Variants in TTC1 observed in about 807,000 individuals in gnomAD.
TTC1 encodes the protein tetratricopeptide repeat protein 1.
TTC1 carries 31 observed loss-of-function variants against 37.6 expected under a neutral mutation model. That is an observed-to-expected ratio of 0.82 (90% CI 0.62 to 1.11). TTC1 has a LOEUF of 1.11. TTC1 is among the 50% of genes most tolerant of loss of function. The probability of loss-of-function intolerance (pLI) is 0.00; values close to 1 mark genes in which losing one functional copy is unlikely to be tolerated. For missense variants in TTC1, 351 were observed against 339.0 expected (o/e 1.04, Z -0.28); for synonymous variants, 127 against 122.4 (o/e 1.04, Z -0.25).
chr5:160,014,515 T>TAAA (rs1756566029), intron 2 of TTC1, among the ~76,000 whole-genome samples: 1 of 150,656 alleles, frequency 6.6e-6, no homozygotes, highest in Non-Finnish European at 1.5e-5. Context: ...AAAAAAAAAT[T>TAAA]TTTTTTTAAT....
intron 2 of TTC1, among the ~76,000 whole-genome samples, chr5:160,026,215 C>T (rs1756802664): frequency 6.6e-6 from 1 of 152,244 alleles, no homozygotes; most frequent in South Asian, 2.1e-4. Flanking sequence ...CTAGGGATGT[C>T]GGGGTGAGAG....
At chr5:160,023,793 T>C (rs1037319635) in intron 2 of TTC1, 116 of 1,613,474 alleles carry the variant, frequency 7.2e-5, no homozygotes, top group Non-Finnish European at 9.3e-5. Context: ...GATGTGTGCC[T>C]TGCCCTCTTG....
intron 2 of TTC1, among the ~76,000 whole-genome samples, chr5:160,025,723 G>A (rs1390533238): frequency 3.9e-5 from 6 of 152,218 alleles, no homozygotes; most frequent in Admixed American, 1.3e-4. Context: ...GTATGGTCTT[G>A]TAGTTAAGAG....
chr5:160,034,557 T>C (rs1478852387), intron 2 of TTC1, among the ~76,000 whole-genome samples: 1 of 152,198 alleles, frequency 6.6e-6, no homozygotes, highest in Admixed American at 6.5e-5. Flanking sequence ...AGGGTTCTTA[T>C]AAGGATTAAA....
chr5:160,048,459 C>G lies in TTC1; in HGVS notation c.542-1055C>G, dbSNP rs116351628. Among the ~76,000 whole-genome samples the G allele has an allele frequency of 9.8e-3, 1,489 of 152,134 alleles. 17 individuals are homozygous for G. Among genetic ancestry groups the G allele is most frequent in the Middle Eastern group, 0.02 (6 of 294 alleles). On this transcript the variant is annotated intron_variant, in intron 5 of 7. Coordinates refer to ENST00000231238, the MANE Select transcript of TTC1 (RefSeq NM_003314.3). ...CCTGAGCCACCACACCCGGCCAGCA[C>G]TGCTTTCTAATAGAAAAAGAAACAA...
chr5:160,036,572 A>G, intron 3 of TTC1, 119 bp from the exon 4 acceptor site: 1 of 677,356 alleles, frequency 1.5e-6, no homozygotes, highest in Non-Finnish European at 2.6e-6. Context: ...GACTGTTACC[A>G]TCTTTTAACT....
intron 2 of TTC1, among the ~76,000 whole-genome samples, chr5:160,016,684 A>T (rs925446820): frequency 6.6e-6 from 1 of 152,174 alleles, no homozygotes; most frequent in Admixed American, 6.5e-5. Context: ...TTAAGAATAT[A>T]AATAAATAAA....
chr5:160,032,610 T>C (rs956632916), intron 2 of TTC1, among the ~76,000 whole-genome samples: 4 of 152,060 alleles, frequency 2.6e-5, no homozygotes, highest in African/African-American at 9.7e-5. Flanking sequence ...TAGAGTTGAT[T>C]TGCTGTCATT....
intron 3 of TTC1, among the ~76,000 whole-genome samples, 179 bp downstream of exon 3, chr5:160,035,379 T>C (rs577150979): frequency 6.6e-6 from 1 of 152,390 alleles, no homozygotes; most frequent in East Asian, 1.9e-4. Context: ...ATTCATCTGA[T>C]GGTGACCAGT....
intron 5 of TTC1, among the ~76,000 whole-genome samples, chr5:160,043,767 T>G (rs1757144497): frequency 6.6e-6 from 1 of 152,234 alleles, no homozygotes; most frequent in African/African-American, 2.4e-5. Flanking sequence ...AGGGACAGTT[T>G]CTGTTGGTGA....
intron 2 of TTC1, chr5:160,023,696 T>C (rs1756752799): frequency 1.3e-6 from 2 of 1,524,930 alleles, no homozygotes. Flanking sequence ...GCACAAGGCA[T>C]GTCACATGTT....
chr5:160,049,837 G>A (rs376756186), intron 6 of TTC1, among the ~76,000 whole-genome samples, 175 bp downstream of exon 6: 1 of 152,202 alleles, frequency 6.6e-6, no homozygotes, highest in African/African-American at 2.4e-5. Context: ...CAGCACTTTA[G>A]GAGGCCAAGG....
chr5:160,027,406 T>C (rs1756826343), intron 2 of TTC1, among the ~76,000 whole-genome samples: 1 of 152,244 alleles, frequency 6.6e-6, no homozygotes, highest in East Asian at 1.9e-4. Flanking sequence ...CCATTTCCTC[T>C]CCTCCACTTC....
At chr5:160,015,968 C>T (rs1256247844) in intron 2 of TTC1, among the ~76,000 whole-genome samples, 1 of 152,204 alleles carries the variant, frequency 6.6e-6, no homozygotes. Flanking sequence ...GTGGAAAACA[C>T]TCTCATCTGG....
At chr5:160,064,380 G>C (rs1168584661) in intron 7 of TTC1, among the ~76,000 whole-genome samples, 1 of 152,238 alleles carries the variant, frequency 6.6e-6, no homozygotes, top group Non-Finnish European at 1.5e-5. Context: ...CCATTTCTAA[G>C]AAATGGCTAG....
At chr5:160,021,166 A>C (rs1420193536) in intron 2 of TTC1, among the ~76,000 whole-genome samples, 1 of 152,204 alleles carries the variant, frequency 6.6e-6, no homozygotes, top group Non-Finnish European at 1.5e-5. Flanking sequence ...CAGCCTGAGA[A>C]GTGTCTGACA....
chr5:160,062,581 T>G (rs1037632220), intron 7 of TTC1, among the ~76,000 whole-genome samples: 13 of 152,172 alleles, frequency 8.5e-5, no homozygotes, highest in African/African-American at 2.9e-4. Flanking sequence ...AGTTTGTACT[T>G]TAAATTGTTT....
At chr5:160,054,172 G>T (rs1046303028) in intron 7 of TTC1, among the ~76,000 whole-genome samples, 2 of 152,200 alleles carry the variant, frequency 1.3e-5, no homozygotes, top group African/African-American at 4.8e-5. Context: ...GGACTTAAGG[G>T]TATGTGTGGT....
intron 2 of TTC1, among the ~76,000 whole-genome samples, chr5:160,034,095 C>G (rs181466410): frequency 4.0e-4 from 59 of 148,346 alleles, no homozygotes; most frequent in Non-Finnish European, 7.0e-4. Context: ...ACACTGCACT[C>G]TAGCCTGGAC....
Sources: gnomAD v4.1 joint callset for allele counts (sites outside exome capture counted in the v4.1 genomes callset) on GRCh38, gnomAD v4.1.1 for gene constraint, MANE v1.5 for transcripts, NCBI Gene and HGNC (gene_info 2026-07-23, HGNC 2026-07-21) for gene names.